The following DTD1 variants were observed in gnomAD, a reference collection of about 807,000 sequenced individuals.
DTD1 encodes the protein D-aminoacyl-tRNA deacylase 1, also known as D-tyrosyl-tRNA deacylase 1 homolog.
A neutral mutation model predicts 25.6 loss-of-function variants in DTD1; 13 were observed. The ratio of observed to expected loss-of-function variants is 0.51; its 90% CI spans 0.33 to 0.81. The LOEUF (loss-of-function observed/expected upper bound fraction) is 0.81, where lower values mean the gene tolerates loss of function less well. Ranked by LOEUF, DTD1 falls within the 30% of genes least tolerant of loss-of-function variation. The pLI is 0.02. For synonymous variants in DTD1, 110 were observed against 103.6 expected, an observed-to-expected ratio of 1.06 and a Z score of -0.37; for missense variants, 193 against 266.4, an observed-to-expected ratio of 0.72 and a Z score of 1.92.
intron 3 of DTD1, among the ~76,000 whole-genome samples, chr20:18,614,635 A>G (rs1191022773): frequency 6.6e-6 from 1 of 152,122 alleles, no homozygotes; most frequent in Non-Finnish European, 1.5e-5. Context: ...GCTGACTTCT[A>G]TGTTTGTTAG....
chr20:18,659,426 CATG>C (rs2060901355), intron 4 of DTD1, among the ~76,000 whole-genome samples: 1 of 152,190 alleles, frequency 6.6e-6, no homozygotes, highest in Non-Finnish European at 1.5e-5. Flanking sequence ...CCATTATATT[CATG>C]ATGTTTAATT....
At chr20:18,647,911 C>T (rs2060856226) in intron 4 of DTD1, among the ~76,000 whole-genome samples, 1 of 152,136 alleles carries the variant, frequency 6.6e-6, no homozygotes, top group Admixed American at 6.5e-5. Context: ...AGAGCAGGAA[C>T]AGATGGGCAG....
intron 4 of DTD1, among the ~76,000 whole-genome samples, chr20:18,650,587 T>C (rs916350210): frequency 1.8e-4 from 28 of 152,262 alleles, no homozygotes; most frequent in Admixed American, 1.2e-3. Flanking sequence ...TTTTAAAATA[T>C]TGTCACTGTA....
intron 4 of DTD1, among the ~76,000 whole-genome samples, chr20:18,639,782 A>AT (rs1282681845): frequency 6.6e-6 from 1 of 152,174 alleles, no homozygotes; most frequent in Non-Finnish European, 1.5e-5. Flanking sequence ...GGAAGCCTCA[A>AT]TTTCTTTGTA....
intron 4 of DTD1, among the ~76,000 whole-genome samples, chr20:18,688,642 C>G (rs767008305): frequency 5.3e-5 from 8 of 152,144 alleles, no homozygotes; most frequent in African/African-American, 1.9e-4. Context: ...GGTCCCTTGC[C>G]GGGAACGACC....
chr20:18,640,565 A>G (rs2060824428), intron 4 of DTD1, among the ~76,000 whole-genome samples: 1 of 151,896 alleles, frequency 6.6e-6, no homozygotes, highest in Admixed American at 6.6e-5. Flanking sequence ...TTAGGTATAC[A>G]GTTTCGTGGC....
At chr20:18,708,353 TC>T (rs2061143869) in intron 4 of DTD1, among the ~76,000 whole-genome samples, 1 of 70,990 alleles carries the variant, frequency 1.4e-5, no homozygotes. Context: ...ATATTATATA[TC>T]TATATATATA....
intron 4 of DTD1, chr20:18,675,562 G>A (rs940107161): frequency 6.6e-6 from 1 of 151,884 alleles, no homozygotes; most frequent in Non-Finnish European, 1.5e-5. Context: ...AAATGTCTCG[G>A]GGAAGCATTT....
At position 18,670,877 on chromosome 20, in the gene DTD1, C is replaced by T. The variant is rs118036766; in HGVS notation, c.477+42644C>T. ...CCTATTAACAGAAAAACGTGAGTCT[C>T]AAGTGCTAGTGGCATTCATAGTGAA... On this transcript the variant is annotated intron_variant, in intron 4 of 5. Transcript: ENST00000377452. Among the ~76,000 whole-genome samples the T allele has an allele frequency of 8.3e-3, 1,257 of 152,352 alleles. 18 individuals are homozygous for T. Among genetic ancestry groups the T allele is most frequent in the Non-Finnish European group, 0.01 (712 of 68,038 alleles).
chr20:18,722,886 A>C (rs1267757962), intron 4 of DTD1, among the ~76,000 whole-genome samples: 1 of 152,224 alleles, frequency 6.6e-6, no homozygotes, highest in Non-Finnish European at 1.5e-5. Flanking sequence ...ATCTGAAAAC[A>C]CTGTCTTATT....
At chr20:18,655,674 G>T (rs1419270883) in intron 4 of DTD1, among the ~76,000 whole-genome samples, 1 of 152,208 alleles carries the variant, frequency 6.6e-6, no homozygotes, top group Non-Finnish European at 1.5e-5. Flanking sequence ...CATCACGTCA[G>T]GGGCAATACC....
intron 4 of DTD1, among the ~76,000 whole-genome samples, chr20:18,637,991 T>C (rs2060813788): frequency 6.6e-6 from 1 of 152,240 alleles, no homozygotes; most frequent in Admixed American, 6.5e-5. Flanking sequence ...TCACACATGA[T>C]GCTTACCTCA....
chr20:18,759,039 C>T (rs1258729017), intron 5 of DTD1, among the ~76,000 whole-genome samples: 2 of 152,134 alleles, frequency 1.3e-5, no homozygotes, highest in Non-Finnish European at 2.9e-5. Flanking sequence ...TGTGTTTTAT[C>T]AGAGACTAGG....
At position 18,593,717 on chromosome 20, in the gene DTD1, T is replaced by C. The variant is rs2122240937; in HGVS notation, c.44-14T>C. The C allele has an allele frequency of 6.2e-7, 1 of 1,608,168 alleles. No individual in the cohort carries two copies. Among genetic ancestry groups the C allele is most frequent in the East Asian group, 2.2e-5 (1 of 44,854 alleles). The stretch of plus-strand genomic sequence containing the variant: ...TGGTTCTGAGTTCTTCTCTCCCTTT[T>C]GGTTCCTTTCTAGTTGGAGGAGAGC... On this transcript the variant is annotated splice_polypyrimidine_tract_variant and intron_variant, in intron 1 of 5. Coordinates refer to ENST00000377452, the MANE Select transcript of DTD1 (RefSeq NM_080820.6).
intron 4 of DTD1, among the ~76,000 whole-genome samples, chr20:18,722,373 C>T (rs1042142724): frequency 2.0e-5 from 3 of 152,106 alleles, no homozygotes; most frequent in Non-Finnish European, 4.4e-5. Context: ...ACAGAAAGGG[C>T]CAAGTGGAGC....
intron 3 of DTD1, among the ~76,000 whole-genome samples, chr20:18,615,468 C>G (rs2060705764): frequency 6.6e-6 from 1 of 152,182 alleles, no homozygotes; most frequent in Admixed American, 6.5e-5. Context: ...CTTCAGGGAT[C>G]TCCAGCCTTC....
rs35791362 is a variant in DTD1 at position 18,654,798 on chromosome 20, TAAAA to T, written c.477+26574_477+26577del. On this transcript the variant is annotated intron_variant, in intron 4 of 5. Transcript: ENST00000377452. The stretch of plus-strand genomic sequence containing the variant: ...ATCTATTCAACCTGAGAAAGCTCAT[TAAAA>T]AAAAAAAATCTGTTGAATAAAAGGT... 5.5e-4 allele frequency among the ~76,000 whole-genome samples: 82 copies of T among 150,254 alleles called. 1 individual carries two copies. The East Asian group carries it at 0.011, about 20-fold the overall frequency.
intron 4 of DTD1, among the ~76,000 whole-genome samples, chr20:18,650,160 T>TC (rs2060868764): frequency 6.6e-6 from 1 of 151,972 alleles, no homozygotes. Context: ...GCCCAGGAGG[T>TC]CAAGGCTGCA....
chr20:18,637,828 A>G (rs147370645), intron 4 of DTD1, among the ~76,000 whole-genome samples: 96 of 152,326 alleles, frequency 6.3e-4, no homozygotes, highest in Middle Eastern at 3.4e-3. Flanking sequence ...ATTGTAGACT[A>G]GTTTCCTGCA....
Sources: allele counts gnomAD v4.1 joint callset (sites outside exome capture counted in the v4.1 genomes callset), GRCh38; gene constraint gnomAD v4.1.1; transcripts MANE v1.5; gene names NCBI Gene and HGNC (gene_info 2026-07-23, HGNC 2026-07-21).